The following DNAH10 variants were observed in gnomAD, a reference collection of about 807,000 sequenced individuals.
DNAH10 encodes the protein axonemal beta dynein heavy chain 10.
Under a neutral mutation model 506.6 loss-of-function variants are expected in DNAH10, and 348 were observed. The ratio of observed to expected loss-of-function variants is 0.69; its 90% CI spans 0.63 to 0.75. DNAH10 has a LOEUF of 0.75. Among genes scored for constraint, DNAH10 ranks in the 30% least tolerant of loss-of-function variants. DNAH10 has a pLI of 0.00. For missense variants in DNAH10, 5,179 were observed against 5,787.1 expected (o/e 0.89, Z 3.41); for synonymous variants, 2,059 against 2,198.6 (o/e 0.94, Z 1.78).
chr12:123,836,797 T>C (rs979739283), intron 28 of DNAH10, among the ~76,000 whole-genome samples: 67 of 151,940 alleles, frequency 4.4e-4, no homozygotes, highest in African/African-American at 1.6e-3. Context: ...AGGTGGGCGA[T>C]CACTTGAAGT....
At position 123,799,406 on chromosome 12, in the gene DNAH10, G is replaced by A. The variant is rs570668270; in HGVS notation, c.2289+35G>A. On this transcript the variant is annotated intron_variant, in intron 14 of 78. Transcript: ENST00000673944. ...CCACGCCCTCATTCCCGATTGCCGC[G>A]TGAGACGATGGCGTCTGCCACATTT... 6.6e-5 allele frequency: 105 copies of A among 1,598,982 alleles called. 1 individual carries two copies. In the South Asian group the frequency reaches 9.0e-4, roughly 14 times the overall value.
At position 123,913,191 on chromosome 12, in the gene DNAH10, T is replaced by C. The variant is rs892344953; in HGVS notation, c.10228T>C (p.Leu3410=). The C allele has an allele frequency of 3.1e-6, 5 of 1,611,006 alleles. No homozygotes were observed. Among genetic ancestry groups the C allele is most frequent in the African/African-American group, 2.7e-5 (2 of 74,998 alleles). Residue 3410 remains leucine, a synonymous_variant, in exon 60 of 79, where the codon TTG becomes CTG. Transcript: ENST00000673944. The surrounding 1 kb of genome is among the most constrained non-coding windows in gnomAD (Gnocchi z 5.1). The stretch of plus-strand genomic sequence containing the variant: ...AGCAATTCAGAAAGAGCTGGAAACA[T>C]TGGGTGCCAAATATGAGGCCGCCAT... ...LAAIQKELET[L]GAKYEAAILE... is the part of the protein sequence containing the mutation.
intron 9 of DNAH10, among the ~76,000 whole-genome samples, chr12:123,786,183 C>A (rs921968960): frequency 6.6e-6 from 1 of 151,710 alleles, no homozygotes; most frequent in African/African-American, 2.4e-5. Flanking sequence ...AAACCCCATG[C>A]GTGGTGGGCT....
chr12:123,827,045 C>A, intron 25 of DNAH10, 147 bp downstream of exon 25: 1 of 633,290 alleles, frequency 1.6e-6, no homozygotes. Flanking sequence ...CGACACAGTT[C>A]TATAATGTTG....
Position 123,873,583 on chromosome 12 carries a change from C to G in DNAH10, c.7811C>G (p.Ser2604Cys), listed in dbSNP as rs1594253715. The change falls in exon 46 of 79, where the codon TCC (serine) becomes TGC (cysteine). Residue 2604 changes from serine (S) to cysteine (C), a missense_variant. Around this residue, in one of 3 missense-constraint regions of DNAH10, gnomAD observed 4,844 missense variants for 5,430.5 expected, o/e 0.89. Coordinates refer to ENST00000673944, the MANE Select transcript of DNAH10 (RefSeq NM_001372106.1). Reference protein sequence around the residue: ...TNIVLMVNFSSRTTSMDIQRN... With the variant: ...TNIVLMVNFSCRTTSMDIQRN... ...ATTGTGTTAATGGTCAACTTCTCCTCCCGCACCACGTCCATGGATATCCAA... is the reference window on the plus strand; with the variant it reads ...ATTGTGTTAATGGTCAACTTCTCCTGCCGCACCACGTCCATGGATATCCAA... 6.2e-7 allele frequency: 1 copy of G among 1,613,086 alleles called. No individual in the cohort carries two copies. The highest frequency in any genetic ancestry group is 8.5e-7 in the Non-Finnish European group (1 of 1,179,564).
chr12:123,814,760 A>G (rs539910778), intron 21 of DNAH10, among the ~76,000 whole-genome samples: 25 of 152,012 alleles, frequency 1.6e-4, no homozygotes, highest in East Asian at 5.8e-4. Context: ...GACTACAGGC[A>G]CCCGCCACCA....
chr12:123,935,055 G>A (rs2137793127), intron 78 of DNAH10: 1 of 599,570 alleles, frequency 1.7e-6, no homozygotes, highest in Non-Finnish European at 2.9e-6. Context: ...GCAAAATGCT[G>A]CAGACATTGC....
At chr12:123,870,826 C>T (rs899556677) in intron 44 of DNAH10, among the ~76,000 whole-genome samples, 43 of 152,134 alleles carry the variant, frequency 2.8e-4, no homozygotes, top group Non-Finnish European at 5.7e-4. Flanking sequence ...GGGGACTAGA[C>T]GGCAACGAAC....
chr12:123,926,910 G>A lies in DNAH10; in HGVS notation c.12105+90G>A, dbSNP rs945149590. On this transcript the variant is annotated intron_variant, in intron 69 of 78. Coordinates refer to ENST00000673944, the MANE Select transcript of DNAH10 (RefSeq NM_001372106.1). The surrounding 1 kb of genome is among the most constrained non-coding windows in gnomAD (Gnocchi z 4.1). ...GAGCTAACCTGGGTTTAAGCTGAGT[G>A]CCACGCCACAAATCAGTTGGATGCA... is the stretch of plus-strand genomic sequence containing the variant. 10 of 1,419,946 alleles carry A rather than the reference G, an allele frequency of 7.0e-6. No homozygotes were observed. The highest frequency in any genetic ancestry group is 9.5e-6 in the Non-Finnish European group (10 of 1,050,224). The allele number at this position is 1,419,946 out of a possible 1,614,324, so 88.0% of individuals were successfully genotyped here. A position where few individuals can be genotyped will look rare whatever the true frequency, so the allele number is the denominator to read the frequency against.
At chr12:123,908,560 A>G (rs1174214906) in intron 57 of DNAH10, 1 of 455,988 alleles carries the variant, frequency 2.2e-6, no homozygotes, top group South Asian at 1.5e-5. Context: ...TGCCCCGGTG[A>G]GATGGGTTCG....
chr12:123,868,197 C>A, intron 43 of DNAH10, 78 bp downstream of exon 43: 1 of 1,266,656 alleles, frequency 7.9e-7, no homozygotes, highest in Non-Finnish European at 1.1e-6. Flanking sequence ...TGAGCTTTTC[C>A]ATATTTCTGT....
rs574724546 is a variant in DNAH10, at chr12:123,853,924, GCACGCA to G, written c.6438+588_6438+593del. Among the ~76,000 whole-genome samples the G allele has an allele frequency of 4.6e-3, 682 of 149,584 alleles. 9 individuals are homozygous for G. The highest frequency in any genetic ancestry group is 0.031 in the Middle Eastern group (9 of 288). ...CACGCACATGTACACATACGCACAC[GCACGCA>G]CACGCACACGCACACACACACACAT... On this transcript the variant is annotated intron_variant, in intron 36 of 78. Transcript: ENST00000673944. The surrounding 1 kb of genome is among the most constrained non-coding windows in gnomAD (Gnocchi z 4.7).
At chr12:123,799,188 C>A (rs902479856) in intron 13 of DNAH10, 58 bp from the exon 14 acceptor site, 4 of 1,454,768 alleles carry the variant, frequency 2.7e-6, no homozygotes, top group Non-Finnish European at 3.8e-6. Flanking sequence ...CTGTGTAGAG[C>A]GAGATGAAAA....
Position 123,841,469 on chromosome 12 carries a change from G to A in DNAH10, c.5284G>A (p.Val1762Ile), listed in dbSNP as rs779681087. ...GCGCGTGGAGGACTGGATGACGGCA[G>A]TTTTGAATGAGATGAGAAGAACTAA... ...EGRVEDWMTA[V>I]LNEMRRTNRL... The change falls in exon 30 of 79, where the codon GTT (valine) becomes ATT (isoleucine). Residue 1762 changes from valine (V) to isoleucine (I), a missense_variant. Transcript: ENST00000673944. The A allele has an allele frequency of 1.6e-5, 26 of 1,613,890 alleles. No individual in the cohort carries two copies. The Middle Eastern group carries it at 4.9e-4, about 31-fold the overall frequency.
rs969201290 is a variant in DNAH10 at position 123,762,531 on chromosome 12, G to A, written c.195G>A (p.Glu65=). ...TCATCTACCGCACTATGGTGCCGGA[G>A]GAGGTGGAGGTGGAGATTGGTGAGC... The part of the protein sequence containing the change: ...ALFIYRTMVP[E]EVEVEIDEIP... The change falls in exon 1 of 79, where the codon GAG becomes GAA. Residue 65 remains glutamate, a synonymous_variant. Transcript: ENST00000673944. This position sits in a 1 kb window ranked among gnomAD's most constrained non-coding sequence, Gnocchi z 5.0. 9 of 1,557,528 alleles carry A rather than the reference G, an allele frequency of 5.8e-6. No individual in the cohort carries two copies. The highest frequency in any genetic ancestry group is 6.9e-6 in the Non-Finnish European group (8 of 1,152,070).
chr12:123,884,817 A>G (rs935279229), intron 51 of DNAH10, among the ~76,000 whole-genome samples: 3 of 152,340 alleles, frequency 2.0e-5, no homozygotes, highest in Middle Eastern at 3.4e-3. Context: ...CAACAATTCA[A>G]ATGATGCAGA....
rs1393347012 is a variant in DNAH10, at chr12:123,826,574, A to G, written c.4180-113A>G. 2.5e-5 allele frequency: 21 copies of G among 856,676 alleles called. 1 individual carries two copies. In the South Asian group the frequency reaches 3.3e-4, roughly 14 times the overall value. The allele number at this position is 856,676 out of a possible 1,614,324, so 53.1% of individuals were successfully genotyped here. A position where few individuals can be genotyped will look rare whatever the true frequency, so the allele number is the denominator to read the frequency against. ...TTGTGAATTTCAGGTAGTTGTAGAT[A>G]GATGGGTAATACTTTAAAATATCTG... is the stretch of plus-strand genomic sequence containing the variant. On this transcript the variant is annotated intron_variant, in intron 24 of 78. Coordinates refer to ENST00000673944, the MANE Select transcript of DNAH10 (RefSeq NM_001372106.1).
intron 21 of DNAH10, 127 bp downstream of exon 21, chr12:123,814,039 TG>T: frequency 1.4e-5 from 12 of 864,396 alleles, no homozygotes; most frequent in Non-Finnish European, 1.9e-5. Context: ...AGTAATACAT[TG>T]TAAATGTAAA....
chr12:123,915,138 G>T, intron 62 of DNAH10, 139 bp downstream of exon 62: 1 of 1,237,478 alleles, frequency 8.1e-7, no homozygotes, highest in Non-Finnish European at 1.1e-6. Context: ...CCCATGCGGA[G>T]CCCTCCCCCG....
Sources: gnomAD v4.1 joint callset for allele counts (sites outside exome capture counted in the v4.1 genomes callset) on GRCh38, gnomAD v4.1.1 for gene constraint, gnomAD v4.1.1 regional missense constraint, Gnocchi (gnomAD v3.1) non-coding constraint, MANE v1.5 for transcripts, NCBI Gene and HGNC (gene_info 2026-07-23, HGNC 2026-07-21) for gene names.